The following CDC27 variants were observed in gnomAD, a reference collection of about 807,000 sequenced individuals.
CDC27 encodes the protein cell division cycle protein 27 homolog.
A neutral mutation model predicts 109.7 loss-of-function variants in CDC27; 27 were observed. The observed-to-expected ratio is 0.25, with a 90% CI of 0.18 to 0.34. The LOEUF (loss-of-function observed/expected upper bound fraction) is 0.34, where lower values mean the gene tolerates loss of function less well. CDC27 is among the 10% of genes least tolerant of loss of function. The pLI is 1.00. For missense variants in CDC27, 579 were observed against 960.2 expected, an observed-to-expected ratio of 0.60 and a Z score of 5.25; for synonymous variants, 266 against 333.9, an observed-to-expected ratio of 0.80 and a Z score of 2.22.
At chr17:47,138,449 T>C (rs566149935) in intron 13 of CDC27, among the ~76,000 whole-genome samples, 2 of 152,338 alleles carry the variant, frequency 1.3e-5, no homozygotes, top group South Asian at 4.1e-4. Flanking sequence ...TTTCAATCTA[T>C]GTAACTTCTG....
intron 4 of CDC27, among the ~76,000 whole-genome samples, chr17:47,163,860 A>G (rs964195295): frequency 6.6e-6 from 1 of 152,104 alleles, no homozygotes; most frequent in Non-Finnish European, 1.5e-5. Flanking sequence ...TGCCTCCTGG[A>G]TTCAAGTGAT....
At chr17:47,124,269 A>ATCTATCTATCTG (rs1231181758) in intron 16 of CDC27, among the ~76,000 whole-genome samples, 24 of 150,472 alleles carry the variant, frequency 1.6e-4, no homozygotes, top group Non-Finnish European at 2.7e-4. Context: ...CTATCTATCT[A>ATCTATCTATCTG]TCTATCTATC....
chr17:47,189,208 G>A lies in CDC27; in HGVS notation c.-36C>T. On this transcript the variant is annotated 5_prime_UTR_variant, in exon 1 of 19. Coordinates refer to ENST00000066544, the MANE Select transcript of CDC27 (RefSeq NM_001256.6). ...CAGGCCCACTTTCTGCAGTGCCTCA[G>A]GCCCCCCCTGTAGCGGCTCCGGCCC... is the stretch of plus-strand genomic sequence containing the variant. The A allele has an allele frequency of 6.3e-7, 1 of 1,580,560 alleles. No individual in the cohort carries two copies. The highest frequency in any genetic ancestry group is 1.1e-5 in the South Asian group (1 of 90,416).
chr17:47,188,916 A>T, intron 1 of CDC27: 1 of 1,383,216 alleles, frequency 7.2e-7, no homozygotes, highest in East Asian at 2.6e-5. Flanking sequence ...AAAGGCGGTT[A>T]TTTTCGCCGA....
chr17:47,168,908 C>CA (rs2063727431), intron 4 of CDC27, among the ~76,000 whole-genome samples: 1 of 151,866 alleles, frequency 6.6e-6, no homozygotes. Flanking sequence ...TCACTTCTCC[C>CA]ACGGGGGAGA....
Position 47,189,247 on chromosome 17 carries a change from T to C in CDC27, c.-75A>G. 1 of 1,133,096 alleles carries C rather than the reference T, an allele frequency of 8.8e-7. No homozygotes were observed. Among genetic ancestry groups the C allele is most frequent in the Non-Finnish European group, 1.3e-6 (1 of 745,684 alleles). 70.2% of individuals were successfully genotyped at this position (1,133,096 alleles called of 1,614,324 possible). ...CGGCTCCGGCCCGGCCAGCCCCTGCTCATTTAAACTCACCAGCGACCGTTA... is the reference window on the plus strand; with the variant it reads ...CGGCTCCGGCCCGGCCAGCCCCTGCCCATTTAAACTCACCAGCGACCGTTA... On this transcript the variant is annotated 5_prime_UTR_variant, in exon 1 of 19. Coordinates refer to ENST00000066544, the MANE Select transcript of CDC27 (RefSeq NM_001256.6).
rs1254636501 is a variant in CDC27, at chr17:47,158,296, C to G, written c.385G>C (p.Asp129His). ...SLLGHVYCKTDRLAKGSECYQ... is the reference protein window; with the variant it reads ...SLLGHVYCKTHRLAKGSECYQ... ...CATTCTGATCCTTTGGCAAGCCGAT[C>G]TGTCTTGCTGTGGAGAGAAACAAGT... The change falls in exon 5 of 19, where the codon GAT (aspartate) becomes CAT (histidine). Residue 129 changes from aspartate to histidine, a missense_variant. By Grantham distance (81) the Asp-to-His change is moderately conservative. This residue lies in a region of CDC27 where 52 missense variants were observed against 63.4 expected (regional missense o/e 0.82). Coordinates refer to ENST00000066544, the MANE Select transcript of CDC27 (RefSeq NM_001256.6). 1 of 1,534,516 alleles carries G rather than the reference C, an allele frequency of 6.5e-7. No individual in the cohort carries two copies.
intron 17 of CDC27, 73 bp from the exon 18 acceptor site, chr17:47,122,673 T>G: frequency 9.6e-7 from 1 of 1,036,782 alleles, no homozygotes; most frequent in Non-Finnish European, 1.3e-6. Flanking sequence ...ACTATATATA[T>G]ACTTATTTAT....
chr17:47,160,495 G>C (rs972038940), intron 4 of CDC27, among the ~76,000 whole-genome samples: 5 of 152,100 alleles, frequency 3.3e-5, no homozygotes, highest in Admixed American at 2.6e-4. Flanking sequence ...CAAAGTGTTG[G>C]GATTACAGGC....
intron 15 of CDC27, among the ~76,000 whole-genome samples, chr17:47,129,822 T>C (rs2062264117): frequency 6.6e-6 from 1 of 152,238 alleles, no homozygotes. Context: ...ATACCTATGA[T>C]GATAATCAAT....
At chr17:47,133,338 A>G (rs2062453320) in intron 14 of CDC27, among the ~76,000 whole-genome samples, 2 of 150,200 alleles carry the variant, frequency 1.3e-5, no homozygotes, top group Non-Finnish European at 3.0e-5. Context: ...GGGTTTCTCC[A>G]TGTTGGTCAG....
chr17:47,139,081 T>C (rs1259483894), intron 12 of CDC27, among the ~76,000 whole-genome samples, 190 bp from the exon 13 acceptor site: 1 of 152,158 alleles, frequency 6.6e-6, no homozygotes, highest in Non-Finnish European at 1.5e-5. Context: ...TGTAACCATA[T>C]TGACAGTCAA....
At chr17:47,174,234 T>C (rs749737807) in intron 2 of CDC27, among the ~76,000 whole-genome samples, 11 of 152,202 alleles carry the variant, frequency 7.2e-5, no homozygotes, top group Admixed American at 2.0e-4. Flanking sequence ...CAAACACAAC[T>C]AAAGAAGCAG....
chr17:47,177,974 T>C (rs16941626), intron 2 of CDC27, among the ~76,000 whole-genome samples: 15,989 of 152,234 alleles, frequency 0.11, 952 homozygotes, highest in South Asian at 0.2. Context: ...CTTATTTCTA[T>C]TCATTCTTAA....
At chr17:47,137,957 T>C (rs1254576545) in intron 13 of CDC27, among the ~76,000 whole-genome samples, 1 of 151,912 alleles carries the variant, frequency 6.6e-6, no homozygotes, top group African/African-American at 2.4e-5. Flanking sequence ...CCAGCCACCA[T>C]ACCTGGCTAA....
intron 1 of CDC27, among the ~76,000 whole-genome samples, chr17:47,188,271 C>G (rs1420298915): frequency 6.6e-6 from 1 of 152,068 alleles, no homozygotes; most frequent in Non-Finnish European, 1.5e-5. Flanking sequence ...GGTCCATTAC[C>G]AAGGCACAAA....
At chr17:47,137,649 A>T (rs2062659290) in intron 13 of CDC27, among the ~76,000 whole-genome samples, 1 of 152,194 alleles carries the variant, frequency 6.6e-6, no homozygotes, top group African/African-American at 2.4e-5. Flanking sequence ...TTTAGCTCTC[A>T]TGCAGAGATG....
rs2061922160 is a variant in CDC27, at chr17:47,118,530, T to C, written c.*2405A>G. 1 of 152,596 alleles carries C rather than the reference T, an allele frequency of 6.6e-6. No individual in the cohort carries two copies. The allele number at this position is 152,596 out of a possible 1,614,324, so 9.5% of individuals were successfully genotyped here. On this transcript the variant is annotated 3_prime_UTR_variant, in exon 19 of 19. Coordinates refer to ENST00000066544, the MANE Select transcript of CDC27 (RefSeq NM_001256.6). ...TGTATTAAGTTGGTGCAAAAGTAAT[T>C]GCAGGTTTTGCCATAAAAGTCATGG...
chr17:47,127,877 A>T (rs981326823), intron 16 of CDC27, among the ~76,000 whole-genome samples: 1 of 150,396 alleles, frequency 6.6e-6, no homozygotes, highest in Non-Finnish European at 1.5e-5. Flanking sequence ...TAATTTTTGT[A>T]TTTTTTTTGG....
Sources: gnomAD v4.1 joint callset for allele counts (sites outside exome capture counted in the v4.1 genomes callset) on GRCh38, gnomAD v4.1.1 for gene constraint, gnomAD v4.1.1 regional missense constraint, MANE v1.5 for transcripts, NCBI Gene and HGNC (gene_info 2026-07-23, HGNC 2026-07-21) for gene names.